EGFLAM: variants seen among roughly 807,000 people sequenced by gnomAD.
The protein encoded by EGFLAM is EGF like, fibronectin type III and laminin G domains.
EGFLAM carries 79 observed loss-of-function variants against 113.1 expected under a neutral mutation model. The observed-to-expected ratio is 0.70, with a 90% CI of 0.58 to 0.84. The LOEUF (loss-of-function observed/expected upper bound fraction) is 0.84. EGFLAM is among the 40% of genes least tolerant of loss of function. The pLI is 0.00. For missense variants in EGFLAM, 1,265 were observed against 1,291.6 expected, an observed-to-expected ratio of 0.98 and a Z score of 0.32; for synonymous variants, 504 against 487.6, an observed-to-expected ratio of 1.03 and a Z score of -0.44.
chr5:38,448,043 G>A (rs1220546941), intron 17 of EGFLAM, among the ~76,000 whole-genome samples: 1 of 152,162 alleles, frequency 6.6e-6, no homozygotes, highest in East Asian at 1.9e-4. Context: ...AGCACATTGT[G>A]AGGCCTTCTC....
At chr5:38,458,538 T>C in intron 20 of EGFLAM, 144 bp downstream of exon 20, 1 of 719,560 alleles carries the variant, frequency 1.4e-6, no homozygotes, top group Non-Finnish European at 2.2e-6. Flanking sequence ...TCAGGGAATT[T>C]TCTACCAATT....
intron 20 of EGFLAM, among the ~76,000 whole-genome samples, chr5:38,461,981 T>C (rs184255589): frequency 1.8e-4 from 28 of 151,952 alleles, no homozygotes; most frequent in African/African-American, 5.5e-4. Flanking sequence ...CTGGCTAACG[T>C]GGTGAAACCC....
intron 12 of EGFLAM, among the ~76,000 whole-genome samples, chr5:38,420,976 C>T (rs1198547322): frequency 1.3e-5 from 2 of 152,178 alleles, no homozygotes; most frequent in Non-Finnish European, 2.9e-5. Flanking sequence ...TCATTTCCCC[C>T]GGGGTTATAA....
intron 1 of EGFLAM, 143 bp from the exon 2 acceptor site, chr5:38,337,377 T>A (rs1346718483): frequency 1.3e-6 from 1 of 749,144 alleles, no homozygotes; most frequent in East Asian, 2.8e-5. Context: ...ATAGGTGTGG[T>A]GTATCAGAAA....
chr5:38,314,661 C>T (rs545551825), intron 1 of EGFLAM, among the ~76,000 whole-genome samples: 6 of 152,202 alleles, frequency 3.9e-5, no homozygotes, highest in Non-Finnish European at 8.8e-5. Context: ...TTTCTGTATT[C>T]CATATGAAGC....
At chr5:38,446,462 C>T (rs1256474000) in intron 17 of EGFLAM, among the ~76,000 whole-genome samples, 2 of 152,148 alleles carry the variant, frequency 1.3e-5, no homozygotes, top group African/African-American at 4.8e-5. Context: ...GGCTCCTTTC[C>T]CGTCCTCTTG....
intron 20 of EGFLAM, 110 bp downstream of exon 20, chr5:38,458,504 C>A: frequency 1.0e-6 from 1 of 982,972 alleles, no homozygotes; most frequent in Non-Finnish European, 1.5e-6. Flanking sequence ...GCCTGGCATC[C>A]TAGTTACCCC....
intron 5 of EGFLAM, among the ~76,000 whole-genome samples, chr5:38,359,415 G>A (rs575700686): frequency 8.5e-5 from 13 of 152,298 alleles, no homozygotes; most frequent in Middle Eastern, 3.4e-3. Flanking sequence ...AGTGGCTCAC[G>A]CCTGTAATCC....
chr5:38,463,803 C>T, intron 21 of EGFLAM, 29 bp from the exon 22 acceptor site: 1 of 1,608,436 alleles, frequency 6.2e-7, no homozygotes, highest in Non-Finnish European at 8.5e-7. Flanking sequence ...TCCTTTGGCT[C>T]ACCTCATCTC....
At chr5:38,334,270 A>G (rs1335071610) in intron 1 of EGFLAM, among the ~76,000 whole-genome samples, 1 of 152,168 alleles carries the variant, frequency 6.6e-6, no homozygotes, top group Non-Finnish European at 1.5e-5. Context: ...TTTGGCTGCT[A>G]TATCAAAATA....
intron 5 of EGFLAM, among the ~76,000 whole-genome samples, chr5:38,365,482 G>C (rs1740035776): frequency 1.3e-5 from 2 of 152,108 alleles, no homozygotes; most frequent in Non-Finnish European, 2.9e-5. Context: ...TCCTCTCAGG[G>C]GCTAATGACA....
chr5:38,458,944 G>C (rs1191059831), intron 20 of EGFLAM, among the ~76,000 whole-genome samples: 1 of 151,370 alleles, frequency 6.6e-6, no homozygotes, highest in Non-Finnish European at 1.5e-5. Context: ...TTGCACTCCA[G>C]CCTGGGTGAC....
intron 6 of EGFLAM, among the ~76,000 whole-genome samples, chr5:38,377,306 T>C (rs916697944): frequency 6.6e-6 from 1 of 151,872 alleles, no homozygotes; most frequent in Non-Finnish European, 1.5e-5. Flanking sequence ...CCCTGCTAAT[T>C]TTTTTATTAT....
At chr5:38,415,095 C>T (rs994478435) in intron 11 of EGFLAM, among the ~76,000 whole-genome samples, 100 of 152,166 alleles carry the variant, frequency 6.6e-4, no homozygotes, top group African/African-American at 2.4e-3. Flanking sequence ...GGCACAGTGG[C>T]TCATGCCTCC....
intron 1 of EGFLAM, among the ~76,000 whole-genome samples, chr5:38,282,896 G>C (rs1758054433): frequency 6.6e-6 from 1 of 152,102 alleles, no homozygotes; most frequent in South Asian, 2.1e-4. Context: ...CCAGGCTGGA[G>C]TTCAGTGGTG....
intron 6 of EGFLAM, among the ~76,000 whole-genome samples, chr5:38,383,476 A>C (rs1471294059): frequency 6.6e-6 from 1 of 151,980 alleles, no homozygotes; most frequent in African/African-American, 2.4e-5. Flanking sequence ...GAAAGTAAAG[A>C]ACCTAATTTC....
intron 3 of EGFLAM, among the ~76,000 whole-genome samples, chr5:38,349,972 CA>C: frequency 1.1e-5 from 1 of 92,162 alleles, no homozygotes; most frequent in Non-Finnish European, 2.4e-5. Context: ...CACACACACA[CA>C]CACACACACA....
intron 3 of EGFLAM, among the ~76,000 whole-genome samples, chr5:38,341,386 AATC>A (rs1039018551): frequency 2.0e-5 from 3 of 152,194 alleles, no homozygotes; most frequent in African/African-American, 7.2e-5. Flanking sequence ...CCCCTTATAA[AATC>A]ATCAGCTCTT....
chr5:38,310,378 A>T (rs1299585776), intron 1 of EGFLAM, among the ~76,000 whole-genome samples: 3 of 152,204 alleles, frequency 2.0e-5, no homozygotes, highest in Admixed American at 6.5e-5. Context: ...TGGGAATAAT[A>T]TAACAACCTA....
Sources: gnomAD v4.1 joint callset for allele counts (sites outside exome capture counted in the v4.1 genomes callset) on GRCh38, gnomAD v4.1.1 for gene constraint, MANE v1.5 for transcripts, NCBI Gene and HGNC (gene_info 2026-07-23, HGNC 2026-07-21) for gene names.